KCNIP4: variants seen among roughly 807,000 people sequenced by gnomAD.
KCNIP4 encodes potassium voltage-gated channel interacting protein 4.
A neutral mutation model predicts 34.0 loss-of-function variants in KCNIP4; 12 were observed. The observed-to-expected ratio is 0.35, with a 90% CI of 0.23 to 0.57. The LOEUF (loss-of-function observed/expected upper bound fraction) is 0.57. Among genes scored for constraint, KCNIP4 ranks in the 20% least tolerant of loss-of-function variants. KCNIP4 has a pLI of 0.83. For synonymous variants in KCNIP4, 124 were observed against 102.2 expected (o/e 1.21, Z -1.29); for missense variants, 238 against 311.7 (o/e 0.76, Z 1.78).
intron 1 of KCNIP4, chr4:21,843,784 G>C (rs1723838203): frequency 6.6e-6 from 1 of 152,050 alleles, no homozygotes; most frequent in South Asian, 2.1e-4. Flanking sequence ...ACAATTGCAA[G>C]TAATATGACA....
At chr4:20,973,366 A>G (rs1417467526) in intron 1 of KCNIP4, among the ~76,000 whole-genome samples, 1 of 151,938 alleles carries the variant, frequency 6.6e-6, no homozygotes, top group Non-Finnish European at 1.5e-5. Flanking sequence ...TAGCTTCCTT[A>G]CCTCTCTCAG....
intron 1 of KCNIP4, among the ~76,000 whole-genome samples, chr4:21,614,036 G>A (rs1055370908): frequency 6.6e-6 from 1 of 151,426 alleles, no homozygotes; most frequent in Non-Finnish European, 1.5e-5. Context: ...CTGTAATCCA[G>A]CTATGCGGGA....
At chr4:21,114,049 C>T (rs557400374) in intron 1 of KCNIP4, among the ~76,000 whole-genome samples, 7 of 152,146 alleles carry the variant, frequency 4.6e-5, no homozygotes, top group Non-Finnish European at 1.0e-4. Context: ...CAGACCTATC[C>T]GTAGCCTGTT....
At chr4:21,689,230 C>T (rs772259701) in intron 1 of KCNIP4, among the ~76,000 whole-genome samples, 13 of 151,998 alleles carry the variant, frequency 8.6e-5, no homozygotes, top group Non-Finnish European at 1.2e-4. Context: ...ATATAGGTAC[C>T]TTTCTATTTA....
chr4:21,428,195 A>G (rs1438362783), intron 1 of KCNIP4, among the ~76,000 whole-genome samples: 5 of 152,192 alleles, frequency 3.3e-5, no homozygotes, highest in East Asian at 1.9e-4. Context: ...TTACAGGCAT[A>G]GTGCTGTCTC....
At chr4:21,388,699 C>T (rs1249821341) in intron 1 of KCNIP4, among the ~76,000 whole-genome samples, 2 of 152,054 alleles carry the variant, frequency 1.3e-5, no homozygotes, top group African/African-American at 2.4e-5. Flanking sequence ...CCTAGGCAAC[C>T]ACTCTAGAGA....
chr4:20,776,364 T>TTGGGATGCATTTGGATTTA (rs1195035301), intron 3 of KCNIP4, among the ~76,000 whole-genome samples: 2 of 152,174 alleles, frequency 1.3e-5, no homozygotes, highest in Non-Finnish European at 2.9e-5. Flanking sequence ...AGAAGGAGAT[T>TTGGGATGCATTTGGATTTA]AATATTTGGA....
At chr4:21,240,321 A>C (rs1467708941) in intron 1 of KCNIP4, among the ~76,000 whole-genome samples, 1 of 138,464 alleles carries the variant, frequency 7.2e-6, no homozygotes, top group Non-Finnish European at 1.5e-5. Flanking sequence ...ACATGTATAC[A>C]TATGTAACAA....
intron 2 of KCNIP4, among the ~76,000 whole-genome samples, chr4:20,863,261 A>T (rs973057148): frequency 6.6e-6 from 1 of 152,024 alleles, no homozygotes; most frequent in African/African-American, 2.4e-5. Context: ...CAGTTTGGAG[A>T]TGGAACCATA....
At chr4:21,583,391 G>T (rs1741384108) in intron 1 of KCNIP4, among the ~76,000 whole-genome samples, 1 of 151,834 alleles carries the variant, frequency 6.6e-6, no homozygotes, top group Admixed American at 6.6e-5. Flanking sequence ...ACTTTATAAG[G>T]TAGAAGTGAT....
chr4:21,648,006 T>G (rs1747162645), intron 1 of KCNIP4, among the ~76,000 whole-genome samples: 1 of 150,808 alleles, frequency 6.6e-6, no homozygotes, highest in Non-Finnish European at 1.5e-5. Context: ...CCCTAGTAGC[T>G]GGGACTACAG....
At chr4:21,743,004 C>T (rs1716519948) in intron 1 of KCNIP4, among the ~76,000 whole-genome samples, 1 of 152,012 alleles carries the variant, frequency 6.6e-6, no homozygotes, top group Admixed American at 6.6e-5. Flanking sequence ...CTACCATAGG[C>T]TGGAGCAGAA....
chr4:21,695,231 G>A (rs1287799023), intron 1 of KCNIP4, among the ~76,000 whole-genome samples: 1 of 151,960 alleles, frequency 6.6e-6, no homozygotes, highest in Non-Finnish European at 1.5e-5. Flanking sequence ...GCATAAATTG[G>A]CTTTTCCAAG....
intron 1 of KCNIP4, among the ~76,000 whole-genome samples, chr4:21,067,172 G>C (rs1293117052): frequency 6.6e-6 from 1 of 152,084 alleles, no homozygotes; most frequent in Non-Finnish European, 1.5e-5. Flanking sequence ...CTGCTGCCTT[G>C]AAGGGAAAAA....
chr4:20,912,633 G>A (rs563599538), intron 1 of KCNIP4, among the ~76,000 whole-genome samples: 1 of 152,272 alleles, frequency 6.6e-6, no homozygotes, highest in African/African-American at 2.4e-5. Flanking sequence ...CAAATCATAT[G>A]TCTGGTAGGA....
At chr4:20,916,797 G>A (rs1037149906) in intron 1 of KCNIP4, among the ~76,000 whole-genome samples, 5 of 151,484 alleles carry the variant, frequency 3.3e-5, no homozygotes, top group African/African-American at 1.2e-4. Context: ...ACCCATAATG[G>A]AGGAACATTT....
chr4:21,664,824 A>G (rs932684775), intron 1 of KCNIP4, among the ~76,000 whole-genome samples: 3 of 152,300 alleles, frequency 2.0e-5, no homozygotes, highest in Non-Finnish European at 4.4e-5. Flanking sequence ...ACTTTTGTGC[A>G]TTGCACAACT....
Position 21,181,574 on chromosome 4 carries a change from T to C in KCNIP4, c.62-298865A>G, listed in dbSNP as rs529104991. Reference sequence around the variant, plus strand: ...ATATGTTGAAAGGGGTCATGGTTGATACCATGGTATAATGAGCTGTGAAGC... The same window carrying C: ...ATATGTTGAAAGGGGTCATGGTTGACACCATGGTATAATGAGCTGTGAAGC... On this transcript the variant is annotated intron_variant, in intron 1 of 8. Transcript: ENST00000382152. 7.9e-4 allele frequency among the ~76,000 whole-genome samples: 121 copies of C among 152,240 alleles called. 1 individual carries two copies. Among genetic ancestry groups the C allele is most frequent in the African/African-American group, 2.6e-3 (110 of 41,558 alleles).
intron 2 of KCNIP4, among the ~76,000 whole-genome samples, chr4:20,860,379 C>T (rs1002466583): frequency 6.6e-6 from 1 of 152,182 alleles, no homozygotes; most frequent in African/African-American, 2.4e-5. Context: ...CTCAGGTGAT[C>T]CATGGACCTC....
Sources: allele counts gnomAD v4.1 joint callset (sites outside exome capture counted in the v4.1 genomes callset), GRCh38; gene constraint gnomAD v4.1.1; transcripts MANE v1.5; gene names NCBI Gene and HGNC (gene_info 2026-07-23, HGNC 2026-07-21).